The following NRG2 variants were observed in gnomAD, a reference collection of about 807,000 sequenced individuals.
NRG2 encodes the protein pro-neuregulin-2, membrane-bound isoform.
A neutral mutation model predicts 73.9 loss-of-function variants in NRG2; 27 were observed. The observed-to-expected ratio is 0.37, with a 90% CI of 0.27 to 0.50. NRG2 has a LOEUF of 0.50. Ranked by LOEUF, NRG2 falls within the 20% of genes least tolerant of loss-of-function variation. The pLI is 0.96. For synonymous variants in NRG2, 532 were observed against 541.0 expected, an observed-to-expected ratio of 0.98 and a Z score of 0.23; for missense variants, 1,126 against 1,210.1, an observed-to-expected ratio of 0.93 and a Z score of 1.03.
intron 1 of NRG2, among the ~76,000 whole-genome samples, chr5:139,919,928 T>A (rs73791241): frequency 0.02 from 3,109 of 152,316 alleles, 108 homozygotes; most frequent in African/African-American, 0.071. Flanking sequence ...GTAAGAGTTG[T>A]CCTGTTTGGC....
At chr5:140,041,965 G>T (rs1263931235) in intron 1 of NRG2, among the ~76,000 whole-genome samples, 3 of 151,972 alleles carry the variant, frequency 2.0e-5, no homozygotes, top group African/African-American at 7.3e-5. Flanking sequence ...GCCTGGGCAC[G>T]GCAGGCCCGC....
At chr5:139,917,903 CTACTT>C (rs1182302175) in intron 1 of NRG2, among the ~76,000 whole-genome samples, 1 of 152,096 alleles carries the variant, frequency 6.6e-6, no homozygotes, top group East Asian at 1.9e-4. Context: ...TTGATTAACT[CTACTT>C]TAACTATTTT....
intron 1 of NRG2, among the ~76,000 whole-genome samples, chr5:139,925,134 T>C (rs1751956874): frequency 6.6e-6 from 1 of 152,176 alleles, no homozygotes; most frequent in Non-Finnish European, 1.5e-5. Flanking sequence ...GTGGAGTGTG[T>C]CAGTTCATCC....
intron 1 of NRG2, among the ~76,000 whole-genome samples, chr5:139,936,759 A>G (rs1165795121): frequency 1.3e-5 from 2 of 152,212 alleles, no homozygotes; most frequent in Non-Finnish European, 2.9e-5. Context: ...AAAATTGTAA[A>G]TTAATTTCAG....
At chr5:139,886,287 T>A (rs1417729197) in intron 2 of NRG2, among the ~76,000 whole-genome samples, 1 of 152,144 alleles carries the variant, frequency 6.6e-6, no homozygotes, top group Non-Finnish European at 1.5e-5. Context: ...CTTTTACAGG[T>A]TCCAGAGTCT....
Position 139,887,495 on chromosome 5 carries a change from C to T in NRG2, c.717G>A (p.Leu239=). The change falls in exon 2 of 10, where the codon TTG becomes TTA. Residue 239 remains leucine, a synonymous_variant. Coordinates refer to ENST00000361474, the MANE Select transcript of NRG2 (RefSeq NM_004883.3). The surrounding 1 kb of genome is among the most constrained non-coding windows in gnomAD (Gnocchi z 4.5). ...LCTDCATRPK[L]KKMKSQTGQV... ...GTCCCGTCTGGCTCTTCATCTTCTT[C>T]AACTTGGGCCGGGTGGCTGTGGGTT... 1 of 1,614,120 alleles carries T rather than the reference C, an allele frequency of 6.2e-7. No individual in the cohort carries two copies. The highest frequency in any genetic ancestry group is 8.5e-7 in the Non-Finnish European group (1 of 1,180,024).
rs1327873458 is a variant in NRG2, at chr5:139,887,281, C to G, written c.872+59G>C. 6.3e-7 allele frequency: 1 copy of G among 1,589,782 alleles called. No individual in the cohort carries two copies. The highest frequency in any genetic ancestry group is 1.3e-5 in the African/African-American group (1 of 74,806). ...TGGCCTCTGCCCAGTTCAGGCCACTCCTTCTCGAGAGGAGGGAGGGCAGCT... is the reference window on the plus strand; with the variant it reads ...TGGCCTCTGCCCAGTTCAGGCCACTGCTTCTCGAGAGGAGGGAGGGCAGCT... On this transcript the variant is annotated intron_variant, in intron 2 of 9. Coordinates refer to ENST00000361474, the MANE Select transcript of NRG2 (RefSeq NM_004883.3). The surrounding 1 kb of genome is among the most constrained non-coding windows in gnomAD (Gnocchi z 4.5).
intron 1 of NRG2, among the ~76,000 whole-genome samples, chr5:140,011,036 C>G (rs1008553957): frequency 1.3e-5 from 2 of 152,242 alleles, no homozygotes; most frequent in East Asian, 3.8e-4. Flanking sequence ...CTGCATACAG[C>G]TGTCAGAGAC....
At chr5:140,001,985 C>A (rs1438190841) in intron 1 of NRG2, among the ~76,000 whole-genome samples, 3 of 152,014 alleles carry the variant, frequency 2.0e-5, no homozygotes, top group Non-Finnish European at 4.4e-5. Flanking sequence ...GAGTTTGAGA[C>A]CAGCCTGGGC....
At chr5:139,892,821 A>G (rs1235040384) in intron 1 of NRG2, among the ~76,000 whole-genome samples, 1 of 152,160 alleles carries the variant, frequency 6.6e-6, no homozygotes, top group Non-Finnish European at 1.5e-5. Flanking sequence ...CCTTCCCCAC[A>G]GATGGAGGGG....
intron 1 of NRG2, among the ~76,000 whole-genome samples, chr5:139,977,201 G>T (rs981658349): frequency 6.6e-6 from 1 of 152,140 alleles, no homozygotes; most frequent in East Asian, 1.9e-4. Context: ...GGGATATATG[G>T]AACTCTCTGG....
intron 1 of NRG2, among the ~76,000 whole-genome samples, chr5:139,989,907 G>A (rs1197825842): frequency 6.6e-6 from 1 of 151,326 alleles, no homozygotes; most frequent in African/African-American, 2.4e-5. Context: ...TCCTGCCTCA[G>A]CCTCCCGAGT....
At chr5:139,939,877 ATACT>A (rs1375476658) in intron 1 of NRG2, among the ~76,000 whole-genome samples, 1 of 152,234 alleles carries the variant, frequency 6.6e-6, no homozygotes, top group African/African-American at 2.4e-5. Context: ...ACATGGAAAG[ATACT>A]TACCACACAT....
At chr5:139,929,556 T>C (rs571070417) in intron 1 of NRG2, among the ~76,000 whole-genome samples, 1 of 152,322 alleles carries the variant, frequency 6.6e-6, no homozygotes, top group Admixed American at 6.5e-5. Flanking sequence ...GTATAGGCTA[T>C]GCATTCCTCA....
chr5:139,849,875 C>G (rs909024494), intron 9 of NRG2, among the ~76,000 whole-genome samples: 1 of 152,226 alleles, frequency 6.6e-6, no homozygotes, highest in Admixed American at 6.5e-5. Context: ...CTATGCAGTT[C>G]CCAGAGCAAT....
chr5:139,961,449 CAT>C (rs1046833378), intron 1 of NRG2, among the ~76,000 whole-genome samples: 9 of 149,144 alleles, frequency 6.0e-5, no homozygotes, highest in Admixed American at 1.4e-4. Context: ...TGTTTAGAAA[CAT>C]GTGGGAGCCA....
At chr5:139,956,306 C>T (rs533273230) in intron 1 of NRG2, among the ~76,000 whole-genome samples, 109 of 152,196 alleles carry the variant, frequency 7.2e-4, no homozygotes, top group African/African-American at 2.6e-3. Flanking sequence ...CTGTCCTGAC[C>T]AGCTAGCACC....
chr5:139,931,987 G>T (rs1211628590), intron 1 of NRG2, among the ~76,000 whole-genome samples: 1 of 152,226 alleles, frequency 6.6e-6, no homozygotes, highest in Non-Finnish European at 1.5e-5. Flanking sequence ...AAAGCTAGTG[G>T]AAATGTAGAT....
At chr5:139,857,412 G>T (rs1163488529) in intron 5 of NRG2, among the ~76,000 whole-genome samples, 2 of 152,130 alleles carry the variant, frequency 1.3e-5, no homozygotes, top group African/African-American at 4.8e-5. Flanking sequence ...CCTATTGGCA[G>T]CCTCTGTCCC....
Sources: gnomAD v4.1 joint callset for allele counts (sites outside exome capture counted in the v4.1 genomes callset) on GRCh38, gnomAD v4.1.1 for gene constraint, Gnocchi (gnomAD v3.1) non-coding constraint, MANE v1.5 for transcripts, NCBI Gene and HGNC (gene_info 2026-07-23, HGNC 2026-07-21) for gene names.